The following DNAH5 variants were observed in gnomAD, a reference collection of about 807,000 sequenced individuals.
DNAH5 encodes dynein axonemal heavy chain 5, also known as axonemal beta dynein heavy chain 5.
DNAH5 carries 372 observed loss-of-function variants against 518.2 expected under a neutral mutation model. That is an observed-to-expected ratio of 0.72 (90% CI 0.66 to 0.78). DNAH5 has a LOEUF of 0.78. DNAH5 is among the 30% of genes least tolerant of loss of function. The probability of loss-of-function intolerance (pLI) is 0.00; values close to 1 mark genes in which losing one functional copy is unlikely to be tolerated. For missense variants in DNAH5, 5,523 were observed against 5,687.0 expected, an observed-to-expected ratio of 0.97 and a Z score of 0.93; for synonymous variants, 2,039 against 2,025.9, an observed-to-expected ratio of 1.01 and a Z score of -0.17.
rs4535454 is a variant in DNAH5, at chr5:13,833,952, T to A, written c.5883-3177A>T. 4.1e-3 allele frequency among the ~76,000 whole-genome samples: 623 copies of A among 152,326 alleles called. 3 individuals are homozygous for A. Among genetic ancestry groups the A allele is most frequent in the African/African-American group, 0.014 (600 of 41,574 alleles). ...CAGGGAGCTGCCCCAGCTGTTAAAT[T>A]CACAGGTCAGTCAGTGAAGGGCTGA... On this transcript the variant is annotated intron_variant, in intron 35 of 78. Coordinates refer to ENST00000265104, the MANE Select transcript of DNAH5 (RefSeq NM_001369.3).
chr5:13,776,070 C>T (rs569377186), intron 55 of DNAH5, among the ~76,000 whole-genome samples: 129 of 151,974 alleles, frequency 8.5e-4, no homozygotes, highest in Non-Finnish European at 1.0e-3. Context: ...CACTAATGGT[C>T]CATGGCATGG....
intron 56 of DNAH5, among the ~76,000 whole-genome samples, chr5:13,770,453 T>C (rs956537085): frequency 6.6e-6 from 1 of 152,162 alleles, no homozygotes; most frequent in Non-Finnish European, 1.5e-5. Flanking sequence ...GGCAATAATT[T>C]ATCCTACTGG....
intron 65 of DNAH5, among the ~76,000 whole-genome samples, chr5:13,748,946 A>G (rs1749812446): frequency 1.3e-5 from 2 of 151,972 alleles, no homozygotes; most frequent in African/African-American, 2.4e-5. Flanking sequence ...ACTCTTTCCA[A>G]TTGAGTAACT....
In DNAH5 at chr5:13,850,653, C is replaced by T. The variant is rs372193885; in HGVS notation, c.5113G>A (p.Gly1705Arg). Residue 1705 changes from glycine to arginine, a missense_variant and splice_region_variant, in exon 31 of 79, where the codon GGG becomes AGG. Physicochemically the swap from Gly to Arg is moderately radical, Grantham distance 125. Coordinates refer to ENST00000265104, the MANE Select transcript of DNAH5 (RefSeq NM_001369.3). Reference sequence around the variant, plus strand: ...CTTTCAAAGAGCCAGTGAACTTACCCAGTAAGGGATTTCTGGCATATTTCC... The same window carrying T: ...CTTTCAAAGAGCCAGTGAACTTACCTAGTAAGGGATTTCTGGCATATTTCC... Reference protein sequence around the residue: ...QLEICQKSLTGYLEKKRLCFP... With the variant: ...QLEICQKSLTRYLEKKRLCFP... 1 of 1,613,850 alleles carries T rather than the reference C, an allele frequency of 6.2e-7. No individual in the cohort carries two copies. Among genetic ancestry groups the T allele is most frequent in the Non-Finnish European group, 8.5e-7 (1 of 1,179,866 alleles).
rs1310540453 is a variant in DNAH5, at chr5:13,944,429, T to C, written c.10A>G (p.Ile4Val). Residue 4 changes from isoleucine (I) to valine (V), a missense_variant, in exon 1 of 79, where the codon ATT (isoleucine) becomes GTT (valine). Coordinates refer to ENST00000265104, the MANE Select transcript of DNAH5 (RefSeq NM_001369.3). ...TGCTTCCAGAGCTGTCTCCTCCCAA[T>C]CCTAAACATTGTAGCCGTGCATGGA... MFR[I>V]GRRQLWKHSV... 3 of 1,613,232 alleles carry C rather than the reference T, an allele frequency of 1.9e-6. No individual in the cohort carries two copies. Among genetic ancestry groups the C allele is most frequent in the Non-Finnish European group, 2.5e-6 (3 of 1,179,914 alleles).
At chr5:13,951,304 C>T (rs1780391852) in intron 1 of DNAH5, among the ~76,000 whole-genome samples, 1 of 130,820 alleles carries the variant, frequency 7.6e-6, no homozygotes, top group African/African-American at 2.9e-5. Flanking sequence ...GCAGCCTCAA[C>T]TTCTTGGGCT....
intron 2 of DNAH5, among the ~76,000 whole-genome samples, chr5:13,929,288 A>G (rs1244170553): frequency 1.3e-5 from 2 of 152,182 alleles, no homozygotes; most frequent in African/African-American, 2.4e-5. Context: ...GAATAGTCCA[A>G]TTCCTAGAGA....
rs763241310 is a variant in DNAH5 at position 13,758,948 on chromosome 5, C to T, written c.10317G>A (p.Leu3439=). 2 of 1,614,146 alleles carry T rather than the reference C, an allele frequency of 1.2e-6. No individual in the cohort carries two copies. The highest frequency in any genetic ancestry group is 1.7e-5 in the Admixed American group (1 of 60,034). Residue 3439 remains leucine, a synonymous_variant, in exon 61 of 79, where the codon CTG becomes CTA. Transcript: ENST00000265104. ...GGGCTTTCTGCAGATCCTGCATGGC[C>T]AGGAGATGGCGATTCTCTTGCACCA... ...NLVVQENRHL[L]AMQDLQKAQA...
chr5:13,823,267 C>A lies in DNAH5; in HGVS notation c.6683G>T (p.Arg2228Ile). 6.3e-7 allele frequency: 1 copy of A among 1,598,226 alleles called. No individual in the cohort carries two copies. The highest frequency in any genetic ancestry group is 8.6e-7 in the Non-Finnish European group (1 of 1,165,524). The change falls in exon 40 of 79, where the codon AGA becomes ATA. Residue 2228 changes from arginine to isoleucine, a missense_variant. Transcript: ENST00000265104. The part of the protein sequence containing the change: ...GYPELEAAIS[R>I]QVEEAGLINH... ...TTGCCCTGTGAAGCATATTACCTGT[C>A]TACTAATTGCTGCTTCCAGTTCAGG...
At chr5:13,889,646 C>T (rs549018772) in intron 17 of DNAH5, among the ~76,000 whole-genome samples, 2 of 152,280 alleles carry the variant, frequency 1.3e-5, no homozygotes, top group South Asian at 4.1e-4. Context: ...AATTCTGGTC[C>T]ATGCTAAGCA....
intron 31 of DNAH5, among the ~76,000 whole-genome samples, chr5:13,849,925 T>A (rs901557743): frequency 6.6e-6 from 1 of 152,192 alleles, no homozygotes; most frequent in Non-Finnish European, 1.5e-5. Flanking sequence ...CTGGCTTAGA[T>A]GACCTGAGTC....
chr5:13,793,839 TGA>T, intron 48 of DNAH5, 95 bp downstream of exon 48: 1 of 1,552,344 alleles, frequency 6.4e-7, no homozygotes, highest in Non-Finnish European at 8.7e-7. Context: ...AATTATATCT[TGA>T]AAAAGTAAAA....
chr5:13,703,158 C>A (rs1167871231), intron 76 of DNAH5, among the ~76,000 whole-genome samples: 8 of 152,142 alleles, frequency 5.3e-5, no homozygotes, highest in South Asian at 2.1e-4. Context: ...CACCCCACAC[C>A]CTCTACCCAG....
intron 1 of DNAH5, among the ~76,000 whole-genome samples, chr5:13,979,532 TCCCACAATACTACCA>T (rs1782516586): frequency 6.6e-6 from 1 of 152,074 alleles, no homozygotes; most frequent in Admixed American, 6.6e-5. Flanking sequence ...CCCTCCTTGG[TCCCACAATACTACCA>T]CCACCAGCCC....
chr5:13,712,100 A>G (rs955329462), intron 75 of DNAH5, among the ~76,000 whole-genome samples: 1 of 151,912 alleles, frequency 6.6e-6, no homozygotes, highest in Non-Finnish European at 1.5e-5. Context: ...ATCATACAAC[A>G]TGGTACTGGT....
chr5:13,859,375 T>A (rs1019278818), intron 30 of DNAH5, 77 bp downstream of exon 30: 1 of 1,466,120 alleles, frequency 6.8e-7, no homozygotes, highest in Non-Finnish European at 9.6e-7. Flanking sequence ...GGAATATTAT[T>A]GCATTATTTA....
intron 19 of DNAH5, among the ~76,000 whole-genome samples, chr5:13,883,782 A>G (rs1307852372): frequency 3.3e-5 from 5 of 152,208 alleles, no homozygotes; most frequent in African/African-American, 1.2e-4. Context: ...TTAAGTTCTA[A>G]TAATAACGCT....
chr5:13,998,741 T>A (rs936859335), intron 1 of DNAH5, among the ~76,000 whole-genome samples: 1 of 152,184 alleles, frequency 6.6e-6, no homozygotes, highest in Non-Finnish European at 1.5e-5. Context: ...CAAAAAATAG[T>A]CCAAAAAACT....
intron 35 of DNAH5, among the ~76,000 whole-genome samples, chr5:13,838,983 T>TA (rs35593776): frequency 0.42 from 59,625 of 142,198 alleles, 12,258 homozygotes; most frequent in East Asian, 0.61. Context: ...CTTTCCTGCT[T>TA]AAAAAAAAAA....
Sources: gnomAD v4.1 joint callset for allele counts (sites outside exome capture counted in the v4.1 genomes callset) on GRCh38, gnomAD v4.1.1 for gene constraint, MANE v1.5 for transcripts, NCBI Gene and HGNC (gene_info 2026-07-23, HGNC 2026-07-21) for gene names.